The following AVEN variants were observed in gnomAD, a reference collection of about 807,000 sequenced individuals.
The protein encoded by AVEN is apoptosis and caspase activation inhibitor, also known as cell death regulator Aven.
Under a neutral mutation model 38.1 loss-of-function variants are expected in AVEN, and 41 were observed. That is an observed-to-expected ratio of 1.08 (90% confidence interval 0.84 to 1.40). The LOEUF (loss-of-function observed/expected upper bound fraction) is 1.40, where lower values mean the gene tolerates loss of function less well. AVEN is among the 40% of genes most tolerant of loss of function. AVEN has a pLI of 0.00. For missense variants in AVEN, 605 were observed against 438.8 expected, an observed-to-expected ratio of 1.38 and a Z score of -3.38; for synonymous variants, 206 against 171.8, an observed-to-expected ratio of 1.20 and a Z score of -1.56.
intron 2 of AVEN, among the ~76,000 whole-genome samples, chr15:33,956,694 ATT>A (rs1281198786): frequency 1.3e-5 from 2 of 151,638 alleles, no homozygotes; most frequent in Admixed American, 1.3e-4. Context: ...ACAGCCTTGT[ATT>A]TCTGGATTTT....
At chr15:33,917,821 A>G (rs1489607778) in intron 2 of AVEN, among the ~76,000 whole-genome samples, 2 of 152,096 alleles carry the variant, frequency 1.3e-5, no homozygotes, top group East Asian at 3.9e-4. Context: ...TAAGTGTGGG[A>G]GGGGGGTAAG....
chr15:33,983,237 C>T (rs1197683326), intron 2 of AVEN, among the ~76,000 whole-genome samples: 2 of 130,096 alleles, frequency 1.5e-5, no homozygotes, highest in Non-Finnish European at 3.1e-5. Flanking sequence ...CACACATACA[C>T]ACACACACAT....
chr15:33,866,633 A>G lies in AVEN; in HGVS notation c.1069T>C (p.Leu357=). The part of the protein sequence containing the change: ...NVTEEELEDW[L]DSMIS The stretch of plus-strand genomic sequence containing the variant: ...CCTTTTTAGGAAATCATGCTGTCCA[A>G]CCAGTCTTCCAGCTCTTCCTCGGTA... Residue 357 remains leucine (L), a synonymous_variant, in exon 6 of 6, where the codon TTG becomes CTG. Coordinates refer to ENST00000306730, the MANE Select transcript of AVEN (RefSeq NM_020371.3). 6.2e-7 allele frequency: 1 copy of G among 1,613,836 alleles called. No homozygotes were observed. Among genetic ancestry groups the G allele is most frequent in the Non-Finnish European group, 8.5e-7 (1 of 1,179,796 alleles).
At chr15:33,989,927 C>T (rs1896645103) in intron 2 of AVEN, among the ~76,000 whole-genome samples, 1 of 150,644 alleles carries the variant, frequency 6.6e-6, no homozygotes, top group African/African-American at 2.4e-5. Context: ...CAGATGAGGC[C>T]GGGTTCAGTG....
chr15:33,989,348 T>C (rs908536033), intron 2 of AVEN, among the ~76,000 whole-genome samples: 1 of 151,958 alleles, frequency 6.6e-6, no homozygotes, highest in African/African-American at 2.4e-5. Flanking sequence ...AGCTTTTGTA[T>C]AGAACTTTAT....
chr15:34,015,066 C>A (rs558743615), intron 1 of AVEN, among the ~76,000 whole-genome samples: 36 of 152,122 alleles, frequency 2.4e-4, no homozygotes, highest in African/African-American at 8.2e-4. Context: ...CAGTGTGTCT[C>A]CCTTCTAAAA....
At chr15:33,869,196 G>A (rs1338897894) in intron 4 of AVEN, among the ~76,000 whole-genome samples, 1 of 152,124 alleles carries the variant, frequency 6.6e-6, no homozygotes, top group Non-Finnish European at 1.5e-5. Context: ...ATTGTTCTGG[G>A]GTGGGTGTCT....
At chr15:33,998,008 C>T (rs1233575323) in intron 2 of AVEN, among the ~76,000 whole-genome samples, 1 of 152,122 alleles carries the variant, frequency 6.6e-6, no homozygotes, top group Non-Finnish European at 1.5e-5. Context: ...TATTTCTTAC[C>T]TTCTGCTCTC....
At chr15:33,871,791 A>G (rs993645813) in intron 3 of AVEN, among the ~76,000 whole-genome samples, 2 of 151,484 alleles carry the variant, frequency 1.3e-5, no homozygotes, top group Admixed American at 6.6e-5. Context: ...AAAAAAAAAA[A>G]GCCACTTTGT....
intron 2 of AVEN, among the ~76,000 whole-genome samples, chr15:33,971,761 A>T (rs1303656723): frequency 6.6e-6 from 1 of 152,122 alleles, no homozygotes; most frequent in Non-Finnish European, 1.5e-5. Context: ...GCTTAATTCA[A>T]CTGGGCATTT....
intron 5 of AVEN, among the ~76,000 whole-genome samples, chr15:34,062,050 A>AT (rs932540691): frequency 2.0e-5 from 3 of 151,586 alleles, no homozygotes; most frequent in East Asian, 1.9e-4. Context: ...TCAACAATCC[A>AT]TTTTTTTTCC....
At chr15:34,036,270 C>G (rs1027723575) in intron 1 of AVEN, among the ~76,000 whole-genome samples, 2 of 152,132 alleles carry the variant, frequency 1.3e-5, no homozygotes, top group African/African-American at 2.4e-5. Flanking sequence ...ACTTAGTACT[C>G]AACTAAGTTA....
intron 1 of AVEN, among the ~76,000 whole-genome samples, chr15:34,024,169 G>A (rs764818134): frequency 1.6e-4 from 25 of 152,090 alleles, no homozygotes; most frequent in Non-Finnish European, 2.4e-4. Context: ...TTGGATTATA[G>A]CAGTGAACAA....
intron 2 of AVEN, among the ~76,000 whole-genome samples, chr15:33,986,520 A>G (rs1896477495): frequency 6.6e-6 from 1 of 152,202 alleles, no homozygotes; most frequent in African/African-American, 2.4e-5. Context: ...CTAGAAAGTA[A>G]GAGGTAAAGA....
At chr15:34,064,336 G>A (rs369225100) in intron 4 of AVEN, 281 of 1,594,886 alleles carry the variant, frequency 1.8e-4, no homozygotes, top group South Asian at 2.4e-4. Context: ...AACTCCTCTC[G>A]AAAGAACAAT....
chr15:33,870,479 A>G (rs1315528059), intron 4 of AVEN, among the ~76,000 whole-genome samples: 1 of 152,178 alleles, frequency 6.6e-6, no homozygotes, highest in African/African-American at 2.4e-5. Flanking sequence ...ACACCACACC[A>G]GAAACTGATT....
intron 5 of AVEN, among the ~76,000 whole-genome samples, chr15:34,058,260 A>C (rs1408221941): frequency 2.0e-5 from 3 of 152,314 alleles, no homozygotes; most frequent in African/African-American, 7.2e-5. Flanking sequence ...GGTGTTTGAC[A>C]AAACAACTGG....
chr15:33,975,669 C>T (rs534591204), intron 2 of AVEN, among the ~76,000 whole-genome samples: 2 of 152,120 alleles, frequency 1.3e-5, no homozygotes, highest in African/African-American at 4.8e-5. Context: ...CGGTGGCTCA[C>T]GCCTGTAATC....
downstream of AVEN, chr15:33,854,442 C>T: frequency 1.3e-6 from 2 of 1,572,406 alleles, no homozygotes; most frequent in Non-Finnish European, 1.7e-6. Context: ...GTTGTTTTTA[C>T]TGACAACGTA....
Sources: gnomAD v4.1 joint callset for allele counts (sites outside exome capture counted in the v4.1 genomes callset) on GRCh38, gnomAD v4.1.1 for gene constraint, MANE v1.5 for transcripts, NCBI Gene and HGNC (gene_info 2026-07-23, HGNC 2026-07-21) for gene names.